The following ZNF577 variants were observed in gnomAD, a reference collection of about 807,000 sequenced individuals.
ZNF577 encodes zinc finger protein 577.
Under a neutral mutation model 13.9 loss-of-function variants are expected in ZNF577, and 14 were observed. The ratio of observed to expected loss-of-function variants is 1.00; its 90% CI spans 0.66 to 1.57. The LOEUF (loss-of-function observed/expected upper bound fraction) is 1.57, where lower values mean the gene tolerates loss of function less well. ZNF577 is among the 40% of genes most tolerant of loss of function. ZNF577 has a pLI of 0.00. For missense variants in ZNF577, 555 were observed against 579.2 expected (o/e 0.96, Z 0.43); for synonymous variants, 203 against 202.9 (o/e 1.00, Z 0.00).
intron 6 of ZNF577, chr19:51,843,409 A>G (rs1198921267): frequency 1.3e-5 from 2 of 152,224 alleles, no homozygotes; most frequent in African/African-American, 4.8e-5. Flanking sequence ...TCTTTACCAC[A>G]AAGATTCACA....
chr19:51,819,349 G>A (rs1212641882), intron 9 of ZNF577, among the ~76,000 whole-genome samples: 1 of 152,152 alleles, frequency 6.6e-6, no homozygotes, highest in Non-Finnish European at 1.5e-5. Context: ...TTTAAGCTGT[G>A]ATACTGAATG....
At chr19:51,810,626 G>A (rs1319684008) in intron 10 of ZNF577, among the ~76,000 whole-genome samples, 1 of 152,166 alleles carries the variant, frequency 6.6e-6, no homozygotes, top group Non-Finnish European at 1.5e-5. Flanking sequence ...AGCCTGGTCT[G>A]CACACATTTC....
At chr19:51,838,047 G>A (rs2084297585) in intron 9 of ZNF577, among the ~76,000 whole-genome samples, 1 of 152,160 alleles carries the variant, frequency 6.6e-6, no homozygotes, top group Non-Finnish European at 1.5e-5. Flanking sequence ...ATCCTATGCA[G>A]AACATTCAGC....
In ZNF577 at chr19:51,869,571, G is replaced by A. The variant is rs992154399; in HGVS notation, c.*2961C>T. Among the ~76,000 whole-genome samples the A allele has an allele frequency of 2.6e-5, 4 of 152,052 alleles. No homozygotes were observed. The highest frequency in any genetic ancestry group is 9.7e-5 in the African/African-American group (4 of 41,384). ...CCGGTGCGGGTCCTCCATATGCTGA[G>A]CACCGGTCCCCTGGGGCCACTGTTC... On this transcript the variant is annotated 3_prime_UTR_variant, in exon 6 of 6. Coordinates refer to ENST00000638348, the MANE Select transcript of ZNF577 (RefSeq NM_001370449.1).
chr19:51,848,269 C>A (rs1027179187), intron 5 of ZNF577, among the ~76,000 whole-genome samples: 15 of 152,200 alleles, frequency 9.9e-5, no homozygotes, highest in African/African-American at 3.6e-4. Flanking sequence ...GCCCACGCTG[C>A]CTCGTTCTTC....
chr19:51,856,868 C>T (rs946874786), intron 5 of ZNF577, among the ~76,000 whole-genome samples: 16 of 152,032 alleles, frequency 1.1e-4, no homozygotes, highest in Non-Finnish European at 1.8e-4. Context: ...TAAAGTAAAA[C>T]GAAATGAAAG....
At chr19:51,814,923 C>A (rs2084123693) in intron 9 of ZNF577, among the ~76,000 whole-genome samples, 1 of 152,074 alleles carries the variant, frequency 6.6e-6, no homozygotes, top group Non-Finnish European at 1.5e-5. Context: ...GATTCTCCTG[C>A]CCCAGCCTCC....
chr19:51,870,947 T>C lies in ZNF577; in HGVS notation c.*1585A>G, dbSNP rs773770211. The stretch of plus-strand genomic sequence containing the variant: ...TGATGAAGTTCATTCATATATTTTG[T>C]GCATCTTTTTTAGATATTTAAGGCA... On this transcript the variant is annotated 3_prime_UTR_variant, in exon 6 of 6. Transcript: ENST00000638348. 5.9e-5 allele frequency among the ~76,000 whole-genome samples: 9 copies of C among 152,194 alleles called. No individual in the cohort carries two copies. The highest frequency in any genetic ancestry group is 1.3e-4 in the Non-Finnish European group (9 of 68,032).
At chr19:51,815,110 T>C (rs996396214) in intron 9 of ZNF577, among the ~76,000 whole-genome samples, 14 of 151,968 alleles carry the variant, frequency 9.2e-5, no homozygotes, top group African/African-American at 3.4e-4. Context: ...TTTTATCACA[T>C]CTCATTTTAT....
chr19:51,877,468 G>T, intron 4 of ZNF577, 91 bp from the exon 5 acceptor site: 2 of 1,067,408 alleles, frequency 1.9e-6, no homozygotes, highest in Non-Finnish European at 1.4e-6. Flanking sequence ...CACAGCATTT[G>T]CACTTTGATA....
chr19:51,836,301 A>T (rs1240654020), intron 9 of ZNF577, among the ~76,000 whole-genome samples: 1 of 152,228 alleles, frequency 6.6e-6, no homozygotes, highest in Non-Finnish European at 1.5e-5. Flanking sequence ...ATTGTCAGAC[A>T]CTTCATTAAA....
chr19:51,837,267 A>C (rs1411657174), intron 9 of ZNF577, among the ~76,000 whole-genome samples: 1 of 152,034 alleles, frequency 6.6e-6, no homozygotes, highest in African/African-American at 2.4e-5. Context: ...ATGCCAAGAA[A>C]GAGTGAAACT....
At chr19:51,861,562 T>G (rs1476454365) in intron 5 of ZNF577, 1 of 152,310 alleles carries the variant, frequency 6.6e-6, no homozygotes, top group African/African-American at 2.4e-5. Flanking sequence ...ATCATAGTAT[T>G]CATGGAACTT....
At chr19:51,886,213 T>C (rs1246268256) in intron 1 of ZNF577, 1 of 152,142 alleles carries the variant, frequency 6.6e-6, no homozygotes, top group Non-Finnish European at 1.5e-5. Flanking sequence ...GAAAAAAACT[T>C]AAGAGACCAA....
At chr19:51,821,809 C>T (rs2084192000) in intron 9 of ZNF577, among the ~76,000 whole-genome samples, 1 of 151,726 alleles carries the variant, frequency 6.6e-6, no homozygotes, top group Non-Finnish European at 1.5e-5. Context: ...ACCCCAAGGC[C>T]ATGAATTCCC....
intron 9 of ZNF577, among the ~76,000 whole-genome samples, chr19:51,818,648 G>T (rs911166722): frequency 2.0e-5 from 3 of 152,168 alleles, no homozygotes; most frequent in African/African-American, 7.2e-5. Flanking sequence ...GAAAACTCCA[G>T]AGGAAGATCA....
At chr19:51,850,888 A>T (rs1051598852) in intron 5 of ZNF577, among the ~76,000 whole-genome samples, 1 of 152,226 alleles carries the variant, frequency 6.6e-6, no homozygotes, top group Non-Finnish European at 1.5e-5. Flanking sequence ...CCATATGTAA[A>T]CTAGTAAACA....
At position 51,870,326 on chromosome 19, in the gene ZNF577, T is replaced by C. The variant is rs1456119490; in HGVS notation, c.*2206A>G. 6.6e-6 allele frequency among the ~76,000 whole-genome samples: 1 copy of C among 152,212 alleles called. No homozygotes were observed. The highest frequency in any genetic ancestry group is 1.5e-5 in the Non-Finnish European group (1 of 68,036). Reference sequence around the variant, plus strand: ...CCAGACATGGTCAATTACTGACTGGTAGATTGCTTTCTATTTCTTTATTAG... The same window carrying C: ...CCAGACATGGTCAATTACTGACTGGCAGATTGCTTTCTATTTCTTTATTAG... On this transcript the variant is annotated 3_prime_UTR_variant, in exon 6 of 6. Transcript: ENST00000638348.
chr19:51,809,958 T>C (rs184761261), intron 10 of ZNF577, among the ~76,000 whole-genome samples: 129 of 152,302 alleles, frequency 8.5e-4, no homozygotes, highest in Non-Finnish European at 1.5e-3. Context: ...GCCATTCTGA[T>C]GAAATTTTGA....
Sources: allele counts gnomAD v4.1 joint callset (sites outside exome capture counted in the v4.1 genomes callset), GRCh38; gene constraint gnomAD v4.1.1; transcripts MANE v1.5; gene names NCBI Gene and HGNC (gene_info 2026-07-23, HGNC 2026-07-21).